TMEM255A: variants seen among roughly 807,000 people sequenced by gnomAD.
The protein encoded by TMEM255A is family with sequence similarity 70, member A.
In TMEM255A, 14 loss-of-function variants were observed where a neutral mutation model predicts 23.5. The ratio of observed to expected loss-of-function variants is 0.60; its 90% CI spans 0.39 to 0.93. The LOEUF (loss-of-function observed/expected upper bound fraction) is 0.93. TMEM255A is among the 40% of genes least tolerant of loss of function. The probability of loss-of-function intolerance (pLI) is 0.00; values close to 1 mark genes in which losing one functional copy is unlikely to be tolerated. For synonymous variants in TMEM255A, 104 were observed against 100.3 expected, an observed-to-expected ratio of 1.04 and a Z score of -0.22; for missense variants, 233 against 261.7, an observed-to-expected ratio of 0.89 and a Z score of 0.76.
chrX:120,302,820 C>T (rs1184490445), intron 2 of TMEM255A, among the ~76,000 whole-genome samples: 1 of 110,980 alleles, frequency 9.0e-6, no homozygotes, highest in Non-Finnish European at 1.9e-5. Context: ...CAACAGGCTC[C>T]AGGCTTGGTC....
chrX:120,291,901 C>T (rs1435608591), intron 3 of TMEM255A, among the ~76,000 whole-genome samples: 2 of 110,601 alleles, frequency 1.8e-5, no homozygotes, highest in East Asian at 5.6e-4. Context: ...TTTACATGAC[C>T]TTCTGCAACA....
chrX:120,263,257 G>A lies in TMEM255A; in HGVS notation c.820-2229C>T, dbSNP rs59239767. Among the ~76,000 whole-genome samples the A allele has an allele frequency of 9.6e-3, 1,074 of 111,948 alleles. 11 individuals are homozygous for A. Among genetic ancestry groups the A allele is most frequent in the African/African-American group, 0.033 (1,004 of 30,792 alleles). On this transcript the variant is annotated intron_variant, in intron 8 of 8. Transcript: ENST00000371369. ...TGTATTCTGGTTCCTGCCTGAGAGT[G>A]TGACTTTAATAATGCTGTGGGCAGC...
the TMEM255A span, among the ~76,000 whole-genome samples, chrX:120,253,236 GAC>G: frequency 9.8e-5 from 11 of 112,396 alleles, no homozygotes; most frequent in Admixed American, 2.8e-4. Flanking sequence ...CATGAAATTG[GAC>G]ACTTGTTCCA....
chrX:120,252,280 A>T, the TMEM255A span, among the ~76,000 whole-genome samples: 2 of 111,300 alleles, frequency 1.8e-5, no homozygotes, highest in Non-Finnish European at 3.8e-5. Context: ...CACTAAAAGT[A>T]CTTGTCAACT....
In TMEM255A at chrX:120,276,978, G is replaced by A; in HGVS notation, c.582C>T (p.Leu194=). The change falls in exon 7 of 9, where the codon CTC becomes CTT. Residue 194 remains leucine, a synonymous_variant. Transcript: ENST00000371369. ...TGGTGGCAGACCAGAGCAGGTGGTA[G>A]AGGTGGATGATATCTTGGCAACTGC... ...DVSSCQDIIH[L]YHLLWSATIL... The A allele has an allele frequency of 1.7e-6, 2 of 1,210,846 alleles. No individual in the cohort carries two copies. The highest frequency in any genetic ancestry group is 2.2e-6 in the Non-Finnish European group (2 of 894,635).
Position 120,263,982 on chromosome X carries a change from C to T in TMEM255A, c.820-2954G>A, listed in dbSNP as rs1177582743. 4.5e-5 allele frequency among the ~76,000 whole-genome samples: 5 copies of T among 111,199 alleles called. No individual in the cohort carries two copies. In the East Asian group the frequency reaches 1.4e-3, roughly 31 times the overall value. On this transcript the variant is annotated intron_variant, in intron 8 of 8. Coordinates refer to ENST00000371369, the MANE Select transcript of TMEM255A (RefSeq NM_001104544.3). The stretch of plus-strand genomic sequence containing the variant: ...GCTAGGGTGAAACCTAGTGTACCCT[C>T]GTGATTAAATAAAGAGGAAAAATAG...
downstream of TMEM255A, chrX:120,256,150 A>G (rs1275603926): frequency 2.4e-5 from 3 of 123,428 alleles, no homozygotes; most frequent in African/African-American, 9.7e-5. Context: ...AATGAAAACA[A>G]TCTCTGTAAT....
chrX:120,267,650 C>A (rs2057726093), intron 8 of TMEM255A, among the ~76,000 whole-genome samples: 1 of 112,012 alleles, frequency 8.9e-6, no homozygotes, highest in Non-Finnish European at 1.9e-5. Flanking sequence ...GGGGAAAGTG[C>A]AAATTTGTTA....
At chrX:120,263,775 G>C (rs1297678574) in intron 8 of TMEM255A, among the ~76,000 whole-genome samples, 1 of 109,180 alleles carries the variant, frequency 9.2e-6, no homozygotes, top group Non-Finnish European at 1.9e-5. Flanking sequence ...GGGAAAGGAG[G>C]GGACGAAAGG....
chrX:120,278,728 A>G (rs2057817334), intron 6 of TMEM255A, among the ~76,000 whole-genome samples: 1 of 112,484 alleles, frequency 8.9e-6, no homozygotes, highest in South Asian at 3.7e-4. Flanking sequence ...CAGAAAAACA[A>G]TCAAAGGCTG....
intron 2 of TMEM255A, among the ~76,000 whole-genome samples, chrX:120,301,583 C>A (rs1462516955): frequency 3.6e-5 from 4 of 110,652 alleles, no homozygotes; most frequent in African/African-American, 1.3e-4. Context: ...CTCCCCCCAC[C>A]CCCCACGGAT....
chrX:120,255,854 TTTGTC>T (rs1382795622), downstream of TMEM255A: 6 of 135,607 alleles, frequency 4.4e-5, no homozygotes, highest in Non-Finnish European at 9.8e-5. Context: ...AAATGTGTGT[TTTGTC>T]TTGTATATGG....
At chrX:120,293,329 G>GA (rs1346221826) in intron 3 of TMEM255A, among the ~76,000 whole-genome samples, 3 of 112,889 alleles carry the variant, frequency 2.7e-5, no homozygotes, top group Non-Finnish European at 5.6e-5. Flanking sequence ...ATTGAACCAG[G>GA]AAAGTATAAC....
chrX:120,273,314 G>T, intron 7 of TMEM255A: 2 of 326,842 alleles, frequency 6.1e-6, no homozygotes, highest in South Asian at 8.8e-5. Context: ...TGCAGATGAT[G>T]ACTGCTTAAT....
In TMEM255A at chrX:120,287,162, C is replaced by T. The variant is rs782271113; in HGVS notation, c.415G>A (p.Ala139Thr). ...GCCTCATTCTGGCTCACCTCCTCAGCTTCCTTCTGTGATGTCTTGGGAACA... is the reference window on the plus strand; with the variant it reads ...GCCTCATTCTGGCTCACCTCCTCAGTTTCCTTCTGTGATGTCTTGGGAACA... The part of the protein sequence containing the change: ...HYVPKTSQKE[A>T]EEVNCPHLSR... Residue 139 changes from alanine to threonine, a missense_variant, in exon 5 of 9, where the codon GCT becomes ACT. Coordinates refer to ENST00000371369, the MANE Select transcript of TMEM255A (RefSeq NM_001104544.3). 8 of 1,208,455 alleles carry T rather than the reference C, an allele frequency of 6.6e-6. No individual in the cohort carries two copies. Among genetic ancestry groups the T allele is most frequent in the Non-Finnish European group, 8.9e-6 (8 of 893,936 alleles).
intron 2 of TMEM255A, among the ~76,000 whole-genome samples, chrX:120,296,808 A>T (rs187310691): frequency 1.3e-3 from 4 of 3,061 alleles, no homozygotes; most frequent in Admixed American, 4.2e-3. Flanking sequence ...ATGATATATA[A>T]TATATATCAT....
At chrX:120,263,354 C>T (rs1556016959) in intron 8 of TMEM255A, among the ~76,000 whole-genome samples, 1 of 112,084 alleles carries the variant, frequency 8.9e-6, no homozygotes, top group Non-Finnish European at 1.9e-5. Flanking sequence ...TACTGCTGGG[C>T]CTAGTCAGCT....
intron 2 of TMEM255A, among the ~76,000 whole-genome samples, chrX:120,297,850 G>A (rs782523948): frequency 1.8e-4 from 20 of 111,143 alleles, no homozygotes; most frequent in Non-Finnish European, 3.8e-5. Context: ...CAAGGATGGA[G>A]TGAGAAGTCT....
intron 3 of TMEM255A, among the ~76,000 whole-genome samples, 170 bp downstream of exon 3, chrX:120,293,819 A>G (rs1449631537): frequency 6.2e-5 from 7 of 112,452 alleles, no homozygotes; most frequent in African/African-American, 1.9e-4. Context: ...AACCAATCCC[A>G]TATCACAGGG....
Sources: allele counts gnomAD v4.1 joint callset (sites outside exome capture counted in the v4.1 genomes callset), GRCh38; gene constraint gnomAD v4.1.1; transcripts MANE v1.5; gene names NCBI Gene and HGNC (gene_info 2026-07-23, HGNC 2026-07-21).